Variants in ITSN2 observed in about 807,000 individuals in gnomAD.
The protein encoded by ITSN2 is intersectin-2.
A neutral mutation model predicts 243.7 loss-of-function variants in ITSN2; 156 were observed. The observed-to-expected ratio is 0.64, with a 90% CI of 0.56 to 0.73. ITSN2 has a LOEUF of 0.73. Among genes scored for constraint, ITSN2 ranks in the 30% least tolerant of loss-of-function variants. The pLI is 0.00. For synonymous variants in ITSN2, 703 were observed against 699.9 expected, an observed-to-expected ratio of 1.00 and a Z score of -0.07; for missense variants, 1,801 against 1,996.1, an observed-to-expected ratio of 0.90 and a Z score of 1.86.
chr2:24,245,086 A>T (rs1328185333), intron 29 of ITSN2, among the ~76,000 whole-genome samples: 1 of 152,214 alleles, frequency 6.6e-6, no homozygotes, highest in Non-Finnish European at 1.5e-5. Flanking sequence ...GGAAAAAGTG[A>T]CAATCATTTC....
At chr2:24,259,049 A>G (rs973821100) in intron 22 of ITSN2, among the ~76,000 whole-genome samples, 4 of 152,172 alleles carry the variant, frequency 2.6e-5, no homozygotes, top group African/African-American at 9.7e-5. Flanking sequence ...TGATCTCCAG[A>G]CTTGTATATC....
chr2:24,262,255 T>C (rs1675998419), intron 20 of ITSN2, among the ~76,000 whole-genome samples: 1 of 152,218 alleles, frequency 6.6e-6, no homozygotes, highest in Non-Finnish European at 1.5e-5. Flanking sequence ...TTAATGTTTA[T>C]AATATTATGA....
chr2:24,347,723 TTTTC>T (rs200847514), intron 1 of ITSN2, among the ~76,000 whole-genome samples: 1 of 7,490 alleles, frequency 1.3e-4, no homozygotes. Context: ...TAAATTTGGG[TTTTC>T]TTTTTTTTTT....
At chr2:24,252,713 C>G (rs1049303257) in intron 24 of ITSN2, among the ~76,000 whole-genome samples, 1 of 152,040 alleles carries the variant, frequency 6.6e-6, no homozygotes, top group Non-Finnish European at 1.5e-5. Flanking sequence ...AGTTATTTGA[C>G]TTAACATAAA....
Position 24,205,184 on chromosome 2 carries a change from G to C in ITSN2, c.4762+30C>G, listed in dbSNP as rs369411782. On this transcript the variant is annotated intron_variant, in intron 38 of 39. Coordinates refer to ENST00000355123, the MANE Select transcript of ITSN2 (RefSeq NM_006277.3). ...GCAAAAACTGGGGCAGGGCAGTTATGTCTGCTGAATGAATCAAGGCAGTAT... is the reference window on the plus strand; with the variant it reads ...GCAAAAACTGGGGCAGGGCAGTTATCTCTGCTGAATGAATCAAGGCAGTAT... The C allele has an allele frequency of 8.8e-6, 14 of 1,583,202 alleles. No homozygotes were observed. In the African/African-American group the frequency reaches 1.8e-4, roughly 20 times the overall value.
At chr2:24,338,803 C>G (rs180772840) in intron 1 of ITSN2, among the ~76,000 whole-genome samples, 4 of 152,038 alleles carry the variant, frequency 2.6e-5, no homozygotes, top group Admixed American at 2.6e-4. Flanking sequence ...CCAGCCCAGG[C>G]AACACAGCAA....
intron 1 of ITSN2, among the ~76,000 whole-genome samples, chr2:24,342,032 GT>G (rs983989228): frequency 6.6e-5 from 10 of 152,160 alleles, no homozygotes; most frequent in African/African-American, 2.2e-4. Context: ...AGAAAAAGAA[GT>G]AGTAGACAGC....
chr2:24,207,564 G>T (rs188953693), intron 37 of ITSN2, among the ~76,000 whole-genome samples: 1 of 152,162 alleles, frequency 6.6e-6, no homozygotes, highest in African/African-American at 2.4e-5. Flanking sequence ...GCGCTACAGA[G>T]GTCGGGGAGA....
intron 8 of ITSN2, among the ~76,000 whole-genome samples, chr2:24,305,203 G>A (rs1682335614): frequency 6.6e-6 from 1 of 152,146 alleles, no homozygotes; most frequent in East Asian, 1.9e-4. Context: ...CTAAGAGAGT[G>A]CCCAGAAAGT....
intron 37 of ITSN2, among the ~76,000 whole-genome samples, chr2:24,207,206 GAA>G (rs1668983568): frequency 6.6e-6 from 1 of 152,208 alleles, no homozygotes; most frequent in African/African-American, 2.4e-5. Context: ...TGGCAGAGAG[GAA>G]AGAGAGCCTT....
intron 29 of ITSN2, among the ~76,000 whole-genome samples, chr2:24,231,828 G>C (rs1383403043): frequency 6.6e-6 from 1 of 152,186 alleles, no homozygotes; most frequent in Non-Finnish European, 1.5e-5. Context: ...CAGTGCCGGT[G>C]AACAATGCTA....
At chr2:24,232,046 A>G (rs996424205) in intron 29 of ITSN2, among the ~76,000 whole-genome samples, 6 of 152,198 alleles carry the variant, frequency 3.9e-5, no homozygotes, top group African/African-American at 1.4e-4. Context: ...CTTTTCATCC[A>G]CTTGGCAAAT....
At position 24,310,516 on chromosome 2, in the gene ITSN2, G is replaced by C; in HGVS notation, c.529C>G (p.Pro177Ala). ...LPNGTASLIQ[P>A]LPIPYSSSTL... is the part of the protein sequence containing the mutation. ...GAAGAAGAATAAGGAATGGGTAAAG[G>C]CTGAATGAGACTGGCGGTTCCATTT... The change falls in exon 6 of 40, where the codon CCT becomes GCT. Residue 177 changes from proline to alanine, a missense_variant. This residue lies in a region of ITSN2 where 787 missense variants were observed against 803.9 expected (regional missense o/e 0.98). Coordinates refer to ENST00000355123, the MANE Select transcript of ITSN2 (RefSeq NM_006277.3). The C allele has an allele frequency of 6.2e-7, 1 of 1,614,120 alleles. No homozygotes were observed. The highest frequency in any genetic ancestry group is 8.5e-7 in the Non-Finnish European group (1 of 1,179,980).
chr2:24,356,768 T>C (rs1187992955), intron 1 of ITSN2, among the ~76,000 whole-genome samples: 1 of 152,062 alleles, frequency 6.6e-6, no homozygotes, highest in Non-Finnish European at 1.5e-5. Context: ...CAGGGCGTGG[T>C]GGCAGGCGTC....
intron 16 of ITSN2, among the ~76,000 whole-genome samples, chr2:24,285,972 C>T (rs1679446682): frequency 6.6e-6 from 1 of 151,942 alleles, no homozygotes; most frequent in Non-Finnish European, 1.5e-5. Flanking sequence ...GATGCCAAGA[C>T]AAACAGCACA....
At chr2:24,295,083 A>G (rs1045454353) in intron 14 of ITSN2, among the ~76,000 whole-genome samples, 7 of 152,208 alleles carry the variant, frequency 4.6e-5, no homozygotes, top group Non-Finnish European at 1.0e-4. Context: ...ATAGCAAGTA[A>G]TGAATTAAGA....
At chr2:24,258,114 A>C in intron 22 of ITSN2, 21 bp from the exon 23 acceptor site, 2 of 1,572,592 alleles carry the variant, frequency 1.3e-6, no homozygotes, top group Non-Finnish European at 1.7e-6. Flanking sequence ...AAAACCACCA[A>C]AAATTTTTAA....
intron 31 of ITSN2, among the ~76,000 whole-genome samples, 184 bp downstream of exon 31, chr2:24,217,722 TC>T (rs1484797499): frequency 3.9e-5 from 6 of 152,270 alleles, no homozygotes; most frequent in Non-Finnish European, 7.3e-5. Flanking sequence ...TTCTTTACTT[TC>T]TTCAATACTT....
chr2:24,253,045 T>G (rs940571220), intron 24 of ITSN2, among the ~76,000 whole-genome samples: 8 of 152,206 alleles, frequency 5.3e-5, no homozygotes, highest in African/African-American at 1.9e-4. Context: ...AGTGCTTGAC[T>G]TGGAGTAGAC....
Sources: gnomAD v4.1 joint callset for allele counts (sites outside exome capture counted in the v4.1 genomes callset) on GRCh38, gnomAD v4.1.1 for gene constraint, gnomAD v4.1.1 regional missense constraint, MANE v1.5 for transcripts, NCBI Gene and HGNC (gene_info 2026-07-23, HGNC 2026-07-21) for gene names.